The following WIPI2 variants were observed in gnomAD, a reference collection of about 807,000 sequenced individuals.
WIPI2 encodes the protein WD repeat domain, phosphoinositide interacting 2, also known as WD repeat domain phosphoinositide-interacting protein 2.
Under a neutral mutation model 52.3 loss-of-function variants are expected in WIPI2, and 28 were observed. That is an observed-to-expected ratio of 0.54 (90% CI 0.40 to 0.73). The LOEUF is 0.73. Among genes scored for constraint, WIPI2 ranks in the 30% least tolerant of loss-of-function variants. The pLI, the probability that WIPI2 is intolerant of heterozygous loss-of-function variation, is 0.00. For missense variants in WIPI2, 506 were observed against 602.9 expected, an observed-to-expected ratio of 0.84 and a Z score of 1.68; for synonymous variants, 268 against 245.0, an observed-to-expected ratio of 1.09 and a Z score of -0.88.
intron 3 of WIPI2, among the ~76,000 whole-genome samples, chr7:5,212,850 C>G (rs147560387): frequency 7.5e-4 from 115 of 152,356 alleles, no homozygotes; most frequent in Middle Eastern, 3.4e-3. Context: ...GCCTAGCAAG[C>G]AGGGCTGCCG....
At chr7:5,214,439 G>A (rs751183606) in intron 3 of WIPI2, 96 bp from the exon 4 acceptor site, 1 of 1,612,688 alleles carries the variant, frequency 6.2e-7, no homozygotes, top group Non-Finnish European at 8.5e-7. Flanking sequence ...TGCCCTGCGT[G>A]TCGCCCAGGC....
intron 4 of WIPI2, 82 bp from the exon 5 acceptor site, chr7:5,216,481 C>T: frequency 1.8e-6 from 2 of 1,081,126 alleles, no homozygotes; most frequent in Admixed American, 1.8e-5. Flanking sequence ...CGTCATAGTC[C>T]AGGAGTCAGT....
intron 4 of WIPI2, among the ~76,000 whole-genome samples, 157 bp from the exon 5 acceptor site, chr7:5,216,406 C>T (rs1052804597): frequency 7.9e-5 from 12 of 152,052 alleles, no homozygotes; most frequent in Admixed American, 2.6e-4. Flanking sequence ...CACTCCAGCC[C>T]GGGTGACACA....
chr7:5,227,606 C>T lies in WIPI2; in HGVS notation c.1013+262C>T, dbSNP rs1436099399. ...TAATGAAAGACGTTAAGTCAAACCTCGTGAGTGTGCCGTAGTTAACCCTTT... is the reference window on the plus strand; with the variant it reads ...TAATGAAAGACGTTAAGTCAAACCTTGTGAGTGTGCCGTAGTTAACCCTTT... On this transcript the variant is annotated intron_variant, in intron 10 of 12. Transcript: ENST00000288828. This position sits in a 1 kb window ranked among gnomAD's most constrained non-coding sequence, Gnocchi z 8.1. 1.3e-5 allele frequency among the ~76,000 whole-genome samples: 2 copies of T among 152,188 alleles called. No individual in the cohort carries two copies. Among genetic ancestry groups the T allele is most frequent in the African/African-American group, 4.8e-5 (2 of 41,430 alleles).
intron 7 of WIPI2, among the ~76,000 whole-genome samples, chr7:5,220,358 G>T (rs934786825): frequency 3.0e-4 from 45 of 150,982 alleles, no homozygotes; most frequent in African/African-American, 1.0e-3. Flanking sequence ...TTCTCCTGCC[G>T]CAGCCTCCTG....
In WIPI2 at chr7:5,227,392, G is replaced by A. The variant is rs778658697; in HGVS notation, c.1013+48G>A. 2.1e-5 allele frequency: 34 copies of A among 1,597,630 alleles called. No individual in the cohort carries two copies. The highest frequency in any genetic ancestry group is 1.7e-4 in the Middle Eastern group (1 of 5,790). On this transcript the variant is annotated intron_variant, in intron 10 of 12. Coordinates refer to ENST00000288828, the MANE Select transcript of WIPI2 (RefSeq NM_015610.4). This position sits in a 1 kb window ranked among gnomAD's most constrained non-coding sequence, Gnocchi z 8.1. ...TCCCCCACCCCGTGTGCCTCAGGCC[G>A]AGGGGCCCAGTCCTGGCGGCTTGTG...
Position 5,207,857 on chromosome 7 carries a change from T to C in WIPI2, c.212-6678T>C, listed in dbSNP as rs1782369068. On this transcript the variant is annotated intron_variant, in intron 3 of 12. Transcript: ENST00000288828. Reference sequence around the variant, plus strand: ...CTCGGCTCACTGCAACCTCCACCTCTGGGGTTCAAGCAGTTCTCCTCCCTC... The same window carrying C: ...CTCGGCTCACTGCAACCTCCACCTCCGGGGTTCAAGCAGTTCTCCTCCCTC... Among the ~76,000 whole-genome samples the C allele has an allele frequency of 2.7e-5, 4 of 148,592 alleles. No individual in the cohort carries two copies. The South Asian group carries it at 6.4e-4, about 24-fold the overall frequency.
chr7:5,214,647 T>G lies in WIPI2; in HGVS notation c.324T>G (p.Thr108=). ...KLKVCHFKKG[T]EICNYSYSNT... ...AGGTTTGCCACTTTAAGAAGGGAACTGAGATCTGCAACTACAGCTACTCCA... is the reference window on the plus strand; with the variant it reads ...AGGTTTGCCACTTTAAGAAGGGAACGGAGATCTGCAACTACAGCTACTCCA... The change falls in exon 4 of 13, where the codon ACT becomes ACG. Residue 108 remains threonine (T), a synonymous_variant. Transcript: ENST00000288828. 1.9e-6 allele frequency: 3 copies of G among 1,614,244 alleles called. No individual in the cohort carries two copies. Among genetic ancestry groups the G allele is most frequent in the Non-Finnish European group, 2.5e-6 (3 of 1,180,048 alleles).
At chr7:5,228,283 TTTG>T (rs1783544630) in intron 11 of WIPI2, 72 bp downstream of exon 11, 2 of 1,365,048 alleles carry the variant, frequency 1.5e-6, no homozygotes, top group South Asian at 1.3e-5. Context: ...CTGGCGAACG[TTTG>T]TTTATTTCCT....
intron 3 of WIPI2, among the ~76,000 whole-genome samples, chr7:5,211,872 C>T (rs184461337): frequency 4.3e-4 from 66 of 152,246 alleles, no homozygotes; most frequent in African/African-American, 8.2e-4. Context: ...GCAGGGTCGC[C>T]GTGGCACCCA....
chr7:5,197,352 C>T (rs1746702144), intron 2 of WIPI2, among the ~76,000 whole-genome samples: 2 of 152,050 alleles, frequency 1.3e-5, no homozygotes, highest in African/African-American at 4.8e-5. Context: ...AAATGTTTTC[C>T]TGAACATCAG....
At position 5,211,649 on chromosome 7, in the gene WIPI2, GGAGGCCAGTGGA is replaced by G. The variant is rs553311065; in HGVS notation, c.212-2873_212-2862del. Among the ~76,000 whole-genome samples, 375 of 152,284 alleles carry G rather than the reference GGAGGCCAGTGGA, an allele frequency of 2.5e-3. 8 individuals are homozygous for G. Among genetic ancestry groups the G allele is most frequent in the Admixed American group, 0.02 (304 of 15,278 alleles). ...TTCTTTTCACCACTGATTGGATTTA[GGAGGCCAGTGGA>G]GAGGCCAGTGGATTTAAATAAAATT... On this transcript the variant is annotated intron_variant, in intron 3 of 12. Coordinates refer to ENST00000288828, the MANE Select transcript of WIPI2 (RefSeq NM_015610.4).
chr7:5,210,347 G>T (rs556015224), intron 3 of WIPI2, among the ~76,000 whole-genome samples: 10 of 152,316 alleles, frequency 6.6e-5, no homozygotes, highest in Admixed American at 6.5e-4. Flanking sequence ...CAGACTCAGG[G>T]GACGTGTCTC....
intron 3 of WIPI2, 131 bp downstream of exon 3, chr7:5,199,789 C>T: frequency 1.1e-6 from 1 of 884,376 alleles, no homozygotes. Context: ...CTGCTTCCAC[C>T]TTCATCTCCC....
chr7:5,217,291 C>A, intron 6 of WIPI2, 104 bp downstream of exon 6: 1 of 1,180,972 alleles, frequency 8.5e-7, no homozygotes, highest in Non-Finnish European at 1.2e-6. Flanking sequence ...GCAATACAAC[C>A]GCTGCACTTT....
chr7:5,225,919 T>C lies in WIPI2; in HGVS notation c.837T>C (p.Thr279=). 1 of 1,613,624 alleles carries C rather than the reference T, an allele frequency of 6.2e-7. No homozygotes were observed. The highest frequency in any genetic ancestry group is 8.5e-7 in the Non-Finnish European group (1 of 1,179,838). The change falls in exon 9 of 13, where the codon ACT becomes ACC. Residue 279 remains threonine, a synonymous_variant. Transcript: ENST00000288828. ...TETVHIFKLE[T]VKEKPPEEPT... is the part of the protein sequence containing the mutation. ...CCGTGCACATCTTCAAACTCGAGAC[T>C]GTGAAAGAAAAGTGAGTTGCAAATA...
intron 3 of WIPI2, among the ~76,000 whole-genome samples, chr7:5,206,136 C>CA (rs1333061660): frequency 6.6e-6 from 1 of 152,020 alleles, no homozygotes; most frequent in African/African-American, 2.4e-5. Context: ...TTCCTGCTCC[C>CA]AGCATGTACA....
chr7:5,221,479 A>G (rs1783126358), intron 7 of WIPI2, among the ~76,000 whole-genome samples: 1 of 152,234 alleles, frequency 6.6e-6, no homozygotes, highest in African/African-American at 2.4e-5. Flanking sequence ...CAAATTTGGA[A>G]TGCTACCCAT....
At chr7:5,190,814 G>C (rs568863020) in intron 1 of WIPI2, 3 of 234,770 alleles carry the variant, frequency 1.3e-5, no homozygotes, top group Non-Finnish European at 1.6e-5. Context: ...TTTGGGGCTT[G>C]ACTTGTCTTG....
Sources: gnomAD v4.1 joint callset for allele counts (sites outside exome capture counted in the v4.1 genomes callset) on GRCh38, gnomAD v4.1.1 for gene constraint, Gnocchi (gnomAD v3.1) non-coding constraint, MANE v1.5 for transcripts, NCBI Gene and HGNC (gene_info 2026-07-23, HGNC 2026-07-21) for gene names.